Variants in AK1 observed in about 807,000 individuals in gnomAD.
AK1 encodes adenylate kinase isoenzyme 1.
A neutral mutation model predicts 23.9 loss-of-function variants in AK1; 13 were observed. That is an observed-to-expected ratio of 0.54 (90% CI 0.35 to 0.86). The LOEUF (loss-of-function observed/expected upper bound fraction) is 0.86. Among genes scored for constraint, AK1 ranks in the 40% least tolerant of loss-of-function variants. The pLI is 0.01. For missense variants in AK1, 214 were observed against 255.1 expected (o/e 0.84, Z 1.10); for synonymous variants, 97 against 102.8 (o/e 0.94, Z 0.34).
At position 127,871,134 on chromosome 9, in the gene AK1, T is replaced by C. The variant is rs1333356002; in HGVS notation, c.324+689A>G. 1.3e-5 allele frequency among the ~76,000 whole-genome samples: 2 copies of C among 151,774 alleles called. No homozygotes were observed. Among genetic ancestry groups the C allele is most frequent in the Admixed American group, 1.3e-4 (2 of 15,272 alleles). ...CTTGTGTGTATGAACTTGTGGGGCT[T>C]GTGCATGTGTATGTGCAAGCGTCCA... On this transcript the variant is annotated intron_variant, in intron 5 of 6. Transcript: ENST00000644144. The surrounding 1 kb of genome is among the most constrained non-coding windows in gnomAD (Gnocchi z 4.4).
chr9:127,877,967 G>A (rs910261652), upstream of AK1, among the ~76,000 whole-genome samples: 1 of 152,246 alleles, frequency 6.6e-6, no homozygotes, highest in Non-Finnish European at 1.5e-5. The surrounding 1 kb of genome is among the most constrained non-coding windows in gnomAD (Gnocchi z 5.2). Context: ...ACACTCCAGG[G>A]TACAAGGCCA....
intron 1 of AK1, among the ~76,000 whole-genome samples, chr9:127,875,771 GCTCCT>G (rs1829524522): frequency 6.6e-6 from 1 of 151,660 alleles, no homozygotes; most frequent in Non-Finnish European, 1.5e-5. Context: ...CAGTGTGAAG[GCTCCT>G]CTCTCCTCTC....
chr9:127,867,854 CT>C lies in AK1; in HGVS notation c.*153del. On this transcript the variant is annotated 3_prime_UTR_variant, in exon 7 of 7. Transcript: ENST00000644144. ...TAAAACCAAATGTCCTTAGAAATTC[CT>C]TTAGTGCTCAGCTGTCCATGAAAAC... 1 of 716,180 alleles carries C rather than the reference CT, an allele frequency of 1.4e-6. No homozygotes were observed. The highest frequency in any genetic ancestry group is 1.7e-5 in the South Asian group (1 of 58,916). 44.4% of individuals were successfully genotyped at this position (716,180 alleles called of 1,614,324 possible).
intron 2 of AK1, chr9:127,874,365 C>T (rs916446943): frequency 1.1e-5 from 11 of 985,288 alleles, no homozygotes; most frequent in Non-Finnish European, 6.0e-6. Context: ...ATAAACCCAG[C>T]ATAGGGGGTG....
In AK1 at chr9:127,866,571, C is replaced by T. The variant is rs988636212; in HGVS notation, c.*1437G>A. ...ACCAGCCCCACTTGCCATGAACAGC[C>T]CCAACTGTTCGGATTTCATTCGGGC... On this transcript the variant is annotated 3_prime_UTR_variant, in exon 7 of 7. Transcript: ENST00000644144. 1.3e-5 allele frequency: 2 copies of T among 152,182 alleles called. No individual in the cohort carries two copies. The highest frequency in any genetic ancestry group is 2.9e-5 in the Non-Finnish European group (2 of 68,038). The allele number at this position is 152,182 out of a possible 1,614,324, so 9.4% of individuals were successfully genotyped here.
intron 5 of AK1, among the ~76,000 whole-genome samples, chr9:127,870,684 G>C (rs1181545961): frequency 6.6e-6 from 1 of 152,186 alleles, no homozygotes; most frequent in Admixed American, 6.5e-5. Context: ...GGGGCAGAGT[G>C]GGGTAGACAC....
intron 5 of AK1, among the ~76,000 whole-genome samples, chr9:127,869,647 T>C (rs948066362): frequency 1.2e-4 from 18 of 152,218 alleles, no homozygotes; most frequent in Admixed American, 5.9e-4. Flanking sequence ...GGTGACAGCG[T>C]CAGCTGCCTT....
At position 127,868,121 on chromosome 9, in the gene AK1, G is replaced by A. The variant is rs1829289935; in HGVS notation, c.517-45C>T. On this transcript the variant is annotated intron_variant, in intron 6 of 6. Transcript: ENST00000644144. This position sits in a 1 kb window ranked among gnomAD's most constrained non-coding sequence, Gnocchi z 4.1. ...GAGGGCTGAGTCACCAGGTGGAGTG[G>A]GGTGGGCCTCACCATGGCAGGCCCC... 6.2e-7 allele frequency: 1 copy of A among 1,603,038 alleles called. No homozygotes were observed. The highest frequency in any genetic ancestry group is 1.3e-5 in the African/African-American group (1 of 74,756).
chr9:127,873,974 T>C lies in AK1; in HGVS notation c.7+637A>G, dbSNP rs760196610. The C allele has an allele frequency of 1.7e-4, 165 of 985,306 alleles. 1 individual carries two copies. Among genetic ancestry groups the C allele is most frequent in the Middle Eastern group, 1.5e-3 (3 of 1,936 alleles). 61.0% of individuals were successfully genotyped at this position (985,306 alleles called of 1,614,324 possible). A position where few individuals can be genotyped will look rare whatever the true frequency, so the allele number is the denominator to read the frequency against. ...AGGAGCTGTCAAGAAGGGCTCCTCC[T>C]GTGGGCCCCTATCCCGGGGGTGCAG... On this transcript the variant is annotated intron_variant, in intron 2 of 6. Transcript: ENST00000644144.
chr9:127,871,104 CT>C lies in AK1; in HGVS notation c.324+718del, dbSNP rs1264380678. Reference sequence around the variant, plus strand: ...TGTGTGTGCATGTGTGCACATGCCCCTGGCCTTGTGTGTATGAACTTGTGGG... The same window carrying C: ...TGTGTGTGCATGTGTGCACATGCCCCGGCCTTGTGTGTATGAACTTGTGGG... On this transcript the variant is annotated intron_variant, in intron 5 of 6. Transcript: ENST00000644144. The surrounding 1 kb of genome is among the most constrained non-coding windows in gnomAD (Gnocchi z 4.4). Among the ~76,000 whole-genome samples the C allele has an allele frequency of 1.3e-5, 2 of 151,910 alleles. No individual in the cohort carries two copies. Among genetic ancestry groups the C allele is most frequent in the African/African-American group, 4.9e-5 (2 of 41,172 alleles).
At chr9:127,869,503 C>G (rs1206524899) in intron 5 of AK1, 1 of 152,340 alleles carries the variant, frequency 6.6e-6, no homozygotes, top group Non-Finnish European at 1.5e-5. Flanking sequence ...GCCTGACCTC[C>G]GGCGTCAGAC....
chr9:127,868,964 C>T lies in AK1; in HGVS notation c.325-452G>A, dbSNP rs1006285042. On this transcript the variant is annotated intron_variant, in intron 5 of 6. Transcript: ENST00000644144. The surrounding 1 kb of genome is among the most constrained non-coding windows in gnomAD (Gnocchi z 4.1). ...CCCCAGTACTCCCCGCCTCCTGGAA[C>T]AGGCTCTTCCAGCGCCTTTATCTTT... Among the ~76,000 whole-genome samples the T allele has an allele frequency of 1.3e-5, 2 of 152,174 alleles. No homozygotes were observed. The highest frequency in any genetic ancestry group is 1.5e-5 in the Non-Finnish European group (1 of 68,032).
At position 127,868,176 on chromosome 9, in the gene AK1, C is replaced by A. The variant is rs1402199402; in HGVS notation, c.517-100G>T. 3.3e-6 allele frequency: 5 copies of A among 1,492,886 alleles called. No homozygotes were observed. The allele number at this position is 1,492,886 out of a possible 1,614,324, so 92.5% of individuals were successfully genotyped here. A position where few individuals can be genotyped will look rare whatever the true frequency, so the allele number is the denominator to read the frequency against. ...ACCAGGCCTGCCTCCCCGAGCCCAACCTAATTGACAGCAGCCCCTCATTGA... is the reference window on the plus strand; with the variant it reads ...ACCAGGCCTGCCTCCCCGAGCCCAAACTAATTGACAGCAGCCCCTCATTGA... On this transcript the variant is annotated intron_variant, in intron 6 of 6. Coordinates refer to ENST00000644144, the MANE Select transcript of AK1 (RefSeq NM_000476.3). The surrounding 1 kb of genome is among the most constrained non-coding windows in gnomAD (Gnocchi z 4.1).
rs1258776890 is a variant in AK1 at position 127,877,396 on chromosome 9, A to G, written c.-33+227T>C. Among the ~76,000 whole-genome samples the G allele has an allele frequency of 2.0e-5, 3 of 150,110 alleles. No individual in the cohort carries two copies. The highest frequency in any genetic ancestry group is 4.4e-5 in the Non-Finnish European group (3 of 67,770). ...GGCTGGAAGGGGCTGCAACACACAC[A>G]AACACACACGCACACACACGCACGG... On this transcript the variant is annotated intron_variant, in intron 1 of 6. Transcript: ENST00000644144. This position sits in a 1 kb window ranked among gnomAD's most constrained non-coding sequence, Gnocchi z 5.2.
chr9:127,868,310 G>C lies in AK1; in HGVS notation c.516+11C>G. On this transcript the variant is annotated intron_variant, in intron 6 of 6. Transcript: ENST00000644144. This position sits in a 1 kb window ranked among gnomAD's most constrained non-coding sequence, Gnocchi z 4.1. ...TCTTCCCGGAGCTGCCCCTGGGCCC[G>C]CGGGGCCCACCTTGCGCACAATGCC... 1 of 1,566,544 alleles carries C rather than the reference G, an allele frequency of 6.4e-7. No homozygotes were observed. The highest frequency in any genetic ancestry group is 8.7e-7 in the Non-Finnish European group (1 of 1,155,378).
rs1463054665 is a variant in AK1, at chr9:127,868,543, C to T, written c.325-31G>A. 5.8e-6 allele frequency: 9 copies of T among 1,556,136 alleles called. No individual in the cohort carries two copies. The highest frequency in any genetic ancestry group is 7.8e-6 in the Non-Finnish European group (9 of 1,150,432). ...GGCGGGCACCATGTCACAGGGACCCCATTCCTGCCCCCTAGGGCCATCTCC... is the reference window on the plus strand; with the variant it reads ...GGCGGGCACCATGTCACAGGGACCCTATTCCTGCCCCCTAGGGCCATCTCC... On this transcript the variant is annotated intron_variant, in intron 5 of 6. Transcript: ENST00000644144. The surrounding 1 kb of genome is among the most constrained non-coding windows in gnomAD (Gnocchi z 4.1).
In AK1 at chr9:127,873,411, T is replaced by C. The variant is rs760459617; in HGVS notation, c.8-350A>G. 5 of 1,580,804 alleles carry C rather than the reference T, an allele frequency of 3.2e-6. No homozygotes were observed. In the African/African-American group the frequency reaches 5.4e-5, roughly 17 times the overall value. On this transcript the variant is annotated intron_variant, in intron 2 of 6. Coordinates refer to ENST00000644144, the MANE Select transcript of AK1 (RefSeq NM_000476.3). ...CCGGTCACCTCTGGCTCTCAGATCG[T>C]CTTCTCTGCGGGGGTCACTCGAGGA...
intron 2 of AK1, 126 bp downstream of exon 2, chr9:127,874,485 A>T: frequency 6.2e-7 from 1 of 1,601,812 alleles, no homozygotes; most frequent in African/African-American, 1.3e-5. Flanking sequence ...GCTCCCAGCC[A>T]GGCCCCCTCC....
chr9:127,872,747 G>A lies in AK1; in HGVS notation c.150C>T (p.Gly50=). 6.2e-7 allele frequency: 1 copy of A among 1,614,164 alleles called. No homozygotes were observed. Among genetic ancestry groups the A allele is most frequent in the Non-Finnish European group, 8.5e-7 (1 of 1,180,028 alleles). The change falls in exon 4 of 7, where the codon GGC becomes GGT. Residue 50 remains glycine (G), a synonymous_variant. Coordinates refer to ENST00000644144, the MANE Select transcript of AK1 (RefSeq NM_000476.3). The part of the protein sequence containing the change: ...GDLLRSEVSS[G]SARGKKLSEI... ...CCGACAGCTTCTTGCCCCTGGCCGAGCCTGAGCTGACCTCGGACCGCAGGA... is the reference window on the plus strand; with the variant it reads ...CCGACAGCTTCTTGCCCCTGGCCGAACCTGAGCTGACCTCGGACCGCAGGA...
Sources: gnomAD v4.1 joint callset for allele counts (sites outside exome capture counted in the v4.1 genomes callset) on GRCh38, gnomAD v4.1.1 for gene constraint, Gnocchi (gnomAD v3.1) non-coding constraint, MANE v1.5 for transcripts, NCBI Gene and HGNC (gene_info 2026-07-23, HGNC 2026-07-21) for gene names.